EPM2A: variants seen among roughly 807,000 people sequenced by gnomAD.
EPM2A encodes the protein laforin.
A neutral mutation model predicts 26.5 loss-of-function variants in EPM2A; 21 were observed. The ratio of observed to expected loss-of-function variants is 0.79; its 90% CI spans 0.56 to 1.14. The LOEUF is 1.14. Among genes scored for constraint, EPM2A ranks in the 50% most tolerant of loss-of-function variants. The pLI is 0.00. For synonymous variants in EPM2A, 217 were observed against 177.6 expected (o/e 1.22, Z -1.76); for missense variants, 458 against 440.8 (o/e 1.04, Z -0.35).
intron 2 of EPM2A, among the ~76,000 whole-genome samples, chr6:145,504,062 T>A (rs1293615603): frequency 2.7e-4 from 37 of 134,624 alleles, no homozygotes; most frequent in Non-Finnish European, 4.1e-4. Flanking sequence ...TGAAACTGGA[T>A]CCCTTCCTTA....
intron 4 of EPM2A, among the ~76,000 whole-genome samples, chr6:145,390,760 A>T (rs1778326986): frequency 6.6e-6 from 1 of 152,166 alleles, no homozygotes; most frequent in African/African-American, 2.4e-5. Context: ...TTTCTCCCTG[A>T]GGCCAGTTTC....
intron 1 of EPM2A, among the ~76,000 whole-genome samples, chr6:145,701,899 T>C (rs1357030535): frequency 6.6e-6 from 1 of 152,166 alleles, no homozygotes; most frequent in Non-Finnish European, 1.5e-5. Flanking sequence ...ACTTGCCAAT[T>C]GCCACACACA....
At chr6:145,514,761 C>T (rs1780102085) in intron 2 of EPM2A, among the ~76,000 whole-genome samples, 1 of 152,144 alleles carries the variant, frequency 6.6e-6, no homozygotes, top group African/African-American at 2.4e-5. Context: ...ATACTGCACT[C>T]GACAGTCTCT....
rs138290288 is a variant in EPM2A, at chr6:145,703,548, T to G, written c.302-17252A>C. 2.1e-3 allele frequency among the ~76,000 whole-genome samples: 325 copies of G among 152,350 alleles called. 2 individuals carry two copies. Among genetic ancestry groups the G allele is most frequent in the African/African-American group, 7.6e-3 (315 of 41,578 alleles). ...AAACAACTTTAAACAGCCTAATTTT[T>G]CAAGGCAATTACTCTCTTATACAGA... On this transcript the variant is annotated intron_variant, in intron 1 of 3. Transcript: ENST00000367519.
intron 1 of EPM2A, among the ~76,000 whole-genome samples, chr6:145,708,315 A>T (rs1782341228): frequency 6.6e-6 from 1 of 152,182 alleles, no homozygotes; most frequent in Non-Finnish European, 1.5e-5. Context: ...CACCAAGACA[A>T]TGGGGAAAAT....
intron 4 of EPM2A, among the ~76,000 whole-genome samples, chr6:145,476,152 C>A (rs1779540317): frequency 6.6e-6 from 1 of 151,956 alleles, no homozygotes; most frequent in South Asian, 2.1e-4. Flanking sequence ...GATTTCAAGA[C>A]AAAAACTACA....
intron 4 of EPM2A, among the ~76,000 whole-genome samples, chr6:145,392,042 A>G (rs768755947): frequency 3.3e-5 from 5 of 152,164 alleles, no homozygotes; most frequent in Non-Finnish European, 7.4e-5. Context: ...CACCATCAGA[A>G]ACCCTGGTGG....
At chr6:145,620,408 T>C (rs528435526), downstream of EPM2A, among the ~76,000 whole-genome samples, 22 of 152,256 alleles carry the variant, frequency 1.4e-4, no homozygotes, top group Admixed American at 3.9e-4. Flanking sequence ...GCCCGGTTCC[T>C]AACAGGCCAT....
At chr6:145,705,639 C>T (rs1782180924) in intron 1 of EPM2A, 4 of 446,208 alleles carry the variant, frequency 9.0e-6, no homozygotes, top group Admixed American at 7.3e-5. Context: ...GGCTCTTGTT[C>T]ACATTGTCAT....
At chr6:145,652,295 T>C (rs1582971914) in intron 2 of EPM2A, among the ~76,000 whole-genome samples, 1 of 152,124 alleles carries the variant, frequency 6.6e-6, no homozygotes, top group South Asian at 2.1e-4. Flanking sequence ...CTTCAAAAAA[T>C]TTTTGCTTTT....
chr6:145,391,343 C>G (rs1778334498), intron 4 of EPM2A, among the ~76,000 whole-genome samples: 1 of 152,164 alleles, frequency 6.6e-6, no homozygotes, highest in Non-Finnish European at 1.5e-5. Flanking sequence ...TAAGAGACCA[C>G]CGACCATGGA....
At chr6:145,409,713 T>G (rs948672783) in intron 4 of EPM2A, among the ~76,000 whole-genome samples, 1 of 152,192 alleles carries the variant, frequency 6.6e-6, no homozygotes, top group African/African-American at 2.4e-5. Flanking sequence ...TCATCTACTA[T>G]ATGAGCTAGG....
At chr6:145,658,368 C>G (rs76514014) in intron 2 of EPM2A, among the ~76,000 whole-genome samples, 13 of 152,204 alleles carry the variant, frequency 8.5e-5, no homozygotes, top group African/African-American at 2.9e-4. Context: ...ATTTACAGCA[C>G]AATAGATGTG....
At chr6:145,490,014 C>T in intron 4 of EPM2A, 2 of 1,350,492 alleles carry the variant, frequency 1.5e-6, no homozygotes, top group South Asian at 1.4e-5. Context: ...TGGACGTGTT[C>T]CACAGTCACT....
At chr6:145,611,156 T>A (rs1424506406) in intron 2 of EPM2A, among the ~76,000 whole-genome samples, 1 of 152,208 alleles carries the variant, frequency 6.6e-6, no homozygotes, top group African/African-American at 2.4e-5. Flanking sequence ...CTGACAAGTA[T>A]CTTTATGAAA....
At chr6:145,400,536 T>A (rs1384438856) in intron 4 of EPM2A, among the ~76,000 whole-genome samples, 1 of 152,160 alleles carries the variant, frequency 6.6e-6, no homozygotes, top group African/African-American at 2.4e-5. Context: ...TCCTTCTTGA[T>A]AAGAGACCAC....
chr6:145,671,248 A>C, intron 2 of EPM2A: 2 of 1,052,888 alleles, frequency 1.9e-6, no homozygotes, highest in Non-Finnish European at 2.3e-6. Context: ...CTTATTAAAA[A>C]TCATTTATAT....
intron 4 of EPM2A, among the ~76,000 whole-genome samples, chr6:145,456,208 A>T (rs1358197592): frequency 2.0e-5 from 3 of 152,238 alleles, no homozygotes; most frequent in Non-Finnish European, 4.4e-5. Flanking sequence ...GTAATGACCT[A>T]CTTATTGCAA....
At chr6:145,454,411 G>A (rs1280596277) in intron 4 of EPM2A, among the ~76,000 whole-genome samples, 1 of 152,088 alleles carries the variant, frequency 6.6e-6, no homozygotes, top group East Asian at 1.9e-4. Flanking sequence ...CCCATCTCTA[G>A]TTATCTCGAG....
Sources: allele counts gnomAD v4.1 joint callset (sites outside exome capture counted in the v4.1 genomes callset), GRCh38; gene constraint gnomAD v4.1.1; transcripts MANE v1.5; gene names NCBI Gene and HGNC (gene_info 2026-07-23, HGNC 2026-07-21).